Variants in CHD9 observed in about 807,000 individuals in gnomAD.
The protein encoded by CHD9 is ATP-dependent chromatin remodeler CHD9.
CHD9 carries 77 observed loss-of-function variants against 316.1 expected under a neutral mutation model. The observed-to-expected ratio is 0.24, with a 90% CI of 0.20 to 0.29. The LOEUF is 0.29. CHD9 is among the 10% of genes least tolerant of loss of function. The probability of loss-of-function intolerance (pLI) is 1.00; values close to 1 mark genes in which losing one functional copy is unlikely to be tolerated. For synonymous variants in CHD9, 1,129 were observed against 1,158.3 expected, an observed-to-expected ratio of 0.97 and a Z score of 0.51; for missense variants, 2,763 against 3,438.1, an observed-to-expected ratio of 0.80 and a Z score of 4.91.
Position 53,325,110 on chromosome 16 carries a change from G to T in CHD9, c.*215G>T. 1 of 397,954 alleles carries T rather than the reference G, an allele frequency of 2.5e-6. No individual in the cohort carries two copies. The highest frequency in any genetic ancestry group is 4.5e-6 in the Non-Finnish European group (1 of 222,874). The allele number at this position is 397,954 out of a possible 1,614,324, so 24.7% of individuals were successfully genotyped here. A position where few individuals can be genotyped will look rare whatever the true frequency, so the allele number is the denominator to read the frequency against. ...TCGTATGTACTATCAAATACATAAA[G>T]GTGTAAAATTACAACAAAAGGCATT... On this transcript the variant is annotated 3_prime_UTR_variant, in exon 39 of 39. Coordinates refer to ENST00000447540, the MANE Select transcript of CHD9 (RefSeq NM_001308319.2).
intron 1 of CHD9, among the ~76,000 whole-genome samples, chr16:53,094,613 C>T (rs2036228268): frequency 6.6e-6 from 1 of 151,988 alleles, no homozygotes; most frequent in African/African-American, 2.4e-5. Flanking sequence ...TCATACCAGT[C>T]CCAAGAGCAG....
chr16:53,219,651 C>T (rs930125394), intron 3 of CHD9, among the ~76,000 whole-genome samples: 1 of 152,158 alleles, frequency 6.6e-6, no homozygotes, highest in African/African-American at 2.4e-5. Flanking sequence ...TTTTAAAGCT[C>T]TGTTGGATTT....
Position 53,156,321 on chromosome 16 carries a change from A to C in CHD9, c.232A>C (p.Lys78Gln). 2.5e-6 allele frequency: 4 copies of C among 1,614,012 alleles called. No individual in the cohort carries two copies. Among genetic ancestry groups the C allele is most frequent in the Middle Eastern group, 1.6e-4 (1 of 6,062 alleles). The change falls in exon 2 of 39, where the codon AAA becomes CAA. Residue 78 changes from lysine to glutamine, a missense_variant. Physicochemically the swap from Lys to Gln is moderately conservative, Grantham distance 53. Transcript: ENST00000447540. The part of the protein sequence containing the change: ...FEQLNQFDSI[K>Q]FHHVNQSFGS... ...ACAGTTAAATCAATTTGATTCAATA[A>C]AATTTCACCATGTTAATCAATCTTT...
chr16:53,245,973 T>A lies in CHD9; in HGVS notation c.3454+123T>A. The A allele has an allele frequency of 1.5e-6, 1 of 652,924 alleles. No homozygotes were observed. Among genetic ancestry groups the A allele is most frequent in the Non-Finnish European group, 2.3e-6 (1 of 432,638 alleles). 40.4% of individuals were successfully genotyped at this position (652,924 alleles called of 1,614,324 possible). A position where few individuals can be genotyped will look rare whatever the true frequency, so the allele number is the denominator to read the frequency against. On this transcript the variant is annotated intron_variant, in intron 15 of 38. Transcript: ENST00000447540. This position sits in a 1 kb window ranked among gnomAD's most constrained non-coding sequence, Gnocchi z 4.1. Reference sequence around the variant, plus strand: ...TCTCCACTGTGATATTCTAAGGAATTACAAGTGTTACAGAATCAGAGGCAA... The same window carrying A: ...TCTCCACTGTGATATTCTAAGGAATAACAAGTGTTACAGAATCAGAGGCAA...
intron 1 of CHD9, chr16:53,121,202 T>C: frequency 2.7e-6 from 1 of 374,954 alleles, no homozygotes; most frequent in South Asian, 2.0e-5. Context: ...GCATTGTGCC[T>C]GAGACATCAC....
chr16:53,224,312 C>T (rs1429797871), intron 4 of CHD9, among the ~76,000 whole-genome samples: 1 of 152,112 alleles, frequency 6.6e-6, no homozygotes, highest in African/African-American at 2.4e-5. Flanking sequence ...AAACTAGTAG[C>T]GACGTTCTAT....
At chr16:53,262,192 A>G (rs1018943310) in intron 19 of CHD9, among the ~76,000 whole-genome samples, 1 of 152,114 alleles carries the variant, frequency 6.6e-6, no homozygotes, top group Non-Finnish European at 1.5e-5. Context: ...CCCTTAACAC[A>G]TTGTGTATCT....
At chr16:53,295,598 CTG>C (rs1213594194) in intron 29 of CHD9, among the ~76,000 whole-genome samples, 1 of 152,156 alleles carries the variant, frequency 6.6e-6, no homozygotes, top group African/African-American at 2.4e-5. Flanking sequence ...GATGGGCACT[CTG>C]TCATATTTTT....
At position 53,199,592 on chromosome 16, in the gene CHD9, C is replaced by T. The variant is rs147025447; in HGVS notation, c.1453-9890C>T. Among the ~76,000 whole-genome samples the T allele has an allele frequency of 1.9e-3, 282 of 152,174 alleles. 1 individual carries two copies. Among genetic ancestry groups the T allele is most frequent in the Middle Eastern group, 6.8e-3 (2 of 294 alleles). On this transcript the variant is annotated intron_variant, in intron 2 of 38. Transcript: ENST00000447540. ...TGTACCCAACTGGTAGTATTTCATC[C>T]CTGACTCTGCTGCCACCCTTCCACC...
At chr16:53,279,425 G>A (rs1439472283) in intron 24 of CHD9, among the ~76,000 whole-genome samples, 1 of 152,120 alleles carries the variant, frequency 6.6e-6, no homozygotes, top group Non-Finnish European at 1.5e-5. Flanking sequence ...ACGAGTTAAT[G>A]GGTGCAGTAC....
At position 53,325,226 on chromosome 16, in the gene CHD9, C is replaced by T. The variant is rs1282414941; in HGVS notation, c.*331C>T. On this transcript the variant is annotated 3_prime_UTR_variant, in exon 39 of 39. Coordinates refer to ENST00000447540, the MANE Select transcript of CHD9 (RefSeq NM_001308319.2). Reference sequence around the variant, plus strand: ...TGCAGTGAACACAGAATACTTTATGCATATTACTGATTTAATTTGAATATA... The same window carrying T: ...TGCAGTGAACACAGAATACTTTATGTATATTACTGATTTAATTTGAATATA... The T allele has an allele frequency of 5.6e-6, 1 of 179,288 alleles. No individual in the cohort carries two copies. The highest frequency in any genetic ancestry group is 1.4e-4 in the East Asian group (1 of 7,020). The allele number at this position is 179,288 out of a possible 1,614,324, so 11.1% of individuals were successfully genotyped here.
intron 1 of CHD9, among the ~76,000 whole-genome samples, chr16:53,143,150 T>A (rs919757951): frequency 6.6e-6 from 1 of 152,156 alleles, no homozygotes; most frequent in East Asian, 1.9e-4. Flanking sequence ...CTTTGAGGAC[T>A]GAGTTTCCAA....
chr16:53,226,260 A>G (rs929866241), intron 4 of CHD9, 106 bp from the exon 5 acceptor site: 1 of 668,776 alleles, frequency 1.5e-6, no homozygotes, highest in African/African-American at 1.9e-5. Context: ...ATTGAGTGTC[A>G]TGTTGAAAAT....
At chr16:53,251,487 C>A (rs1475421864) in intron 17 of CHD9, among the ~76,000 whole-genome samples, 2 of 152,200 alleles carry the variant, frequency 1.3e-5, no homozygotes, top group Non-Finnish European at 2.9e-5. Flanking sequence ...ACTTCCCCTA[C>A]ACCTAGAGCA....
intron 36 of CHD9, among the ~76,000 whole-genome samples, chr16:53,316,887 T>TTC (rs1274563032): frequency 6.6e-6 from 1 of 152,076 alleles, no homozygotes; most frequent in Non-Finnish European, 1.5e-5. Context: ...GAAGAGGATG[T>TTC]TCTAGGCAAT....
At chr16:53,315,453 T>C (rs1567679559) in intron 36 of CHD9, among the ~76,000 whole-genome samples, 1 of 152,220 alleles carries the variant, frequency 6.6e-6, no homozygotes, top group Non-Finnish European at 1.5e-5. Flanking sequence ...TTTAACACAA[T>C]AACTTTATTA....
intron 4 of CHD9, among the ~76,000 whole-genome samples, chr16:53,225,512 A>G (rs574742697): frequency 6.6e-6 from 1 of 152,316 alleles, no homozygotes; most frequent in African/African-American, 2.4e-5. Context: ...GAAATATAAA[A>G]CTTTTGAAAC....
At chr16:53,078,190 C>T (rs762563112) in intron 1 of CHD9, among the ~76,000 whole-genome samples, 1 of 152,172 alleles carries the variant, frequency 6.6e-6, no homozygotes, top group Non-Finnish European at 1.5e-5. Flanking sequence ...AAACTTTGTA[C>T]TTGCTATGGT....
chr16:53,283,253 A>T (rs190792519), intron 24 of CHD9, among the ~76,000 whole-genome samples: 3 of 152,222 alleles, frequency 2.0e-5, no homozygotes, highest in Non-Finnish European at 4.4e-5. Context: ...GGGCATGTGC[A>T]TGACTATCTT....
Sources: allele counts gnomAD v4.1 joint callset (sites outside exome capture counted in the v4.1 genomes callset), GRCh38; gene constraint gnomAD v4.1.1; non-coding constraint Gnocchi (gnomAD v3.1); transcripts MANE v1.5; gene names NCBI Gene and HGNC (gene_info 2026-07-23, HGNC 2026-07-21).